The following CSMD3 variants were observed in gnomAD, a reference collection of about 807,000 sequenced individuals.
The protein encoded by CSMD3 is CUB and sushi domain-containing protein 3.
Under a neutral mutation model 435.2 loss-of-function variants are expected in CSMD3, and 177 were observed. The observed-to-expected ratio is 0.41, with a 90% confidence interval of 0.36 to 0.46. The LOEUF (loss-of-function observed/expected upper bound fraction) is 0.46. Among genes scored for constraint, CSMD3 ranks in the 20% least tolerant of loss-of-function variants. The probability of loss-of-function intolerance (pLI) is 0.34; values close to 1 mark genes in which losing one functional copy is unlikely to be tolerated. For missense variants in CSMD3, 4,265 were observed against 4,504.6 expected (o/e 0.95, Z 1.52); for synonymous variants, 1,656 against 1,520.5 (o/e 1.09, Z -2.07).
chr8:112,433,580 C>G (rs1267831596), intron 32 of CSMD3, among the ~76,000 whole-genome samples: 1 of 140,174 alleles, frequency 7.1e-6, no homozygotes, highest in Non-Finnish European at 1.5e-5. Context: ...TCACTTAAAC[C>G]TGGGTGGTCC....
At chr8:112,441,497 A>AT (rs1028783803) in intron 32 of CSMD3, among the ~76,000 whole-genome samples, 74 of 152,152 alleles carry the variant, frequency 4.9e-4, no homozygotes, top group African/African-American at 1.6e-3. Flanking sequence ...TCACTTCCAC[A>AT]TTTTTGGATG....
chr8:113,094,402 G>C lies in CSMD3; in HGVS notation c.917+4354C>G, dbSNP rs568316980. Among the ~76,000 whole-genome samples, 25 of 152,158 alleles carry C rather than the reference G, an allele frequency of 1.6e-4. No individual in the cohort carries two copies. The East Asian group carries it at 4.3e-3, about 26-fold the overall frequency. ...CCTTTCACAGACAGATTTTCAAAGGGAAGATTTCTTTGACTATCTCTACTC... is the reference window on the plus strand; with the variant it reads ...CCTTTCACAGACAGATTTTCAAAGGCAAGATTTCTTTGACTATCTCTACTC... On this transcript the variant is annotated intron_variant, in intron 5 of 70. Coordinates refer to ENST00000297405, the MANE Select transcript of CSMD3 (RefSeq NM_198123.2).
At chr8:112,378,103 T>C (rs1829122162) in intron 38 of CSMD3, among the ~76,000 whole-genome samples, 1 of 152,026 alleles carries the variant, frequency 6.6e-6, no homozygotes. Context: ...AACAACATGA[T>C]GACTCCACGG....
intron 3 of CSMD3, among the ~76,000 whole-genome samples, chr8:113,257,750 T>A (rs555338275): frequency 3.9e-5 from 6 of 152,360 alleles, no homozygotes; most frequent in African/African-American, 1.4e-4. Context: ...CCAGCCATTC[T>A]ACTGTGGCAA....
intron 5 of CSMD3, among the ~76,000 whole-genome samples, chr8:113,045,851 T>C (rs979323993): frequency 6.7e-6 from 1 of 149,416 alleles, no homozygotes; most frequent in Non-Finnish European, 1.5e-5. Flanking sequence ...AAATTCTAAA[T>C]ACTAAGTTTT....
chr8:112,564,547 A>G (rs555353707), intron 24 of CSMD3, among the ~76,000 whole-genome samples: 4 of 152,072 alleles, frequency 2.6e-5, no homozygotes, highest in Non-Finnish European at 5.9e-5. Flanking sequence ...GAAAGTCAGA[A>G]GACCACTGCT....
rs2094053123 is a variant in CSMD3 at position 113,334,300 on chromosome 8, T to TTC, written c.179-19508_179-19507insGA. ...AAGTTTTTTTTTTTTTTTTTTCATT[T>TTC]CCAGCCTGTGTACCTGTTACATATT... On this transcript the variant is annotated intron_variant, in intron 1 of 70. Coordinates refer to ENST00000297405, the MANE Select transcript of CSMD3 (RefSeq NM_198123.2). Among the ~76,000 whole-genome samples, 3 of 126,278 alleles carry TTC rather than the reference T, an allele frequency of 2.4e-5. 1 individual carries two copies. The highest frequency in any genetic ancestry group is 3.5e-5 in the Non-Finnish European group (2 of 57,078). 82.8% of individuals were successfully genotyped at this position (126,278 alleles called of 152,430 possible). A position where few individuals can be genotyped will look rare whatever the true frequency, so the allele number is the denominator to read the frequency against.
At chr8:112,451,636 T>C (rs1431045831) in intron 32 of CSMD3, among the ~76,000 whole-genome samples, 3 of 152,134 alleles carry the variant, frequency 2.0e-5, no homozygotes, top group African/African-American at 7.2e-5. Context: ...CCTCCCGGGT[T>C]CAAGCGATTG....
chr8:113,388,358 A>C (rs1433807288), intron 1 of CSMD3, among the ~76,000 whole-genome samples: 1 of 151,628 alleles, frequency 6.6e-6, no homozygotes, highest in Non-Finnish European at 1.5e-5. Context: ...CCAGATATTT[A>C]GAGTAGATGA....
intron 31 of CSMD3, among the ~76,000 whole-genome samples, chr8:112,487,246 C>T (rs1346348970): frequency 6.6e-6 from 1 of 152,112 alleles, no homozygotes; most frequent in African/African-American, 2.4e-5. Context: ...GTCCTGGGAG[C>T]TCTGAGGAGC....
Position 113,157,011 on chromosome 8 carries a change from G to C in CSMD3, c.709+16711C>G, listed in dbSNP as rs2091948165. Among the ~76,000 whole-genome samples the C allele has an allele frequency of 1.3e-5, 2 of 148,276 alleles. 1 individual carries two copies. The highest frequency in any genetic ancestry group is 4.3e-4 in the South Asian group (2 of 4,632). Reference sequence around the variant, plus strand: ...TTGTATTGTATTTAGGTAGGGTTAAGAGAGTACCTCAAACCCATTAGTTTA... The same window carrying C: ...TTGTATTGTATTTAGGTAGGGTTAACAGAGTACCTCAAACCCATTAGTTTA... On this transcript the variant is annotated intron_variant, in intron 4 of 70. Transcript: ENST00000297405.
intron 7 of CSMD3, among the ~76,000 whole-genome samples, chr8:112,959,287 G>T (rs1393870947): frequency 1.3e-5 from 2 of 151,948 alleles, no homozygotes. Flanking sequence ...ACAGTCTGAA[G>T]CGCTCCTCAT....
At chr8:112,433,849 C>T (rs1194206709) in intron 32 of CSMD3, among the ~76,000 whole-genome samples, 1 of 144,744 alleles carries the variant, frequency 6.9e-6, no homozygotes. Context: ...TATTTTAGTG[C>T]TAAGTTTTTT....
chr8:112,718,003 A>G (rs2076771109), intron 13 of CSMD3, among the ~76,000 whole-genome samples: 1 of 152,092 alleles, frequency 6.6e-6, no homozygotes, highest in Non-Finnish European at 1.5e-5. Flanking sequence ...TAGGTGCAGG[A>G]AGCCACCATG....
intron 3 of CSMD3, among the ~76,000 whole-genome samples, chr8:113,218,145 A>T (rs947365297): frequency 2.1e-4 from 32 of 150,150 alleles, no homozygotes; most frequent in African/African-American, 7.8e-4. Context: ...GATATAAAGC[A>T]TATTCAAGTA....
At chr8:113,220,717 T>C (rs936510112) in intron 3 of CSMD3, among the ~76,000 whole-genome samples, 18 of 151,378 alleles carry the variant, frequency 1.2e-4, no homozygotes, top group Non-Finnish European at 2.5e-4. Context: ...AGTGAGATAT[T>C]TGCATGGCCT....
chr8:113,034,247 C>A (rs1289828667), intron 5 of CSMD3, among the ~76,000 whole-genome samples: 1 of 151,336 alleles, frequency 6.6e-6, no homozygotes, highest in African/African-American at 2.4e-5. Flanking sequence ...CAAAATTATT[C>A]ATAAATTTAC....
chr8:112,314,580 A>G lies in CSMD3; in HGVS notation c.7398T>C (p.Thr2466=), dbSNP rs765045356. ...CPANELRLDS[T]GVILSPGYPD... ...GATATCCAGGGCTCAATATGACTCC[A>G]GTAGAATCTAGCCGTAATTCATTGG... The change falls in exon 48 of 71, where the codon ACT becomes ACC. Residue 2466 remains threonine, a synonymous_variant. Coordinates refer to ENST00000297405, the MANE Select transcript of CSMD3 (RefSeq NM_198123.2). 1.2e-5 allele frequency: 19 copies of G among 1,612,668 alleles called. No homozygotes were observed. Among genetic ancestry groups the G allele is most frequent in the Non-Finnish European group, 1.6e-5 (19 of 1,179,012 alleles).
At chr8:112,371,645 T>C (rs1295561349) in intron 38 of CSMD3, among the ~76,000 whole-genome samples, 1 of 152,066 alleles carries the variant, frequency 6.6e-6, no homozygotes, top group African/African-American at 2.4e-5. Context: ...ATCCCAGGAC[T>C]TTGGGAGGCC....
Sources: allele counts gnomAD v4.1 joint callset (sites outside exome capture counted in the v4.1 genomes callset), GRCh38; gene constraint gnomAD v4.1.1; transcripts MANE v1.5; gene names NCBI Gene and HGNC (gene_info 2026-07-23, HGNC 2026-07-21).